SGTB: variants seen among roughly 807,000 people sequenced by gnomAD.
SGTB encodes small glutamine rich tetratricopeptide repeat co-chaperone beta.
A neutral mutation model predicts 43.9 loss-of-function variants in SGTB; 19 were observed. The observed-to-expected ratio is 0.43, with a 90% CI of 0.30 to 0.63. SGTB has a LOEUF of 0.63. Ranked by LOEUF, SGTB falls within the 30% of genes least tolerant of loss-of-function variation. The pLI is 0.12. For missense variants in SGTB, 304 were observed against 358.9 expected, an observed-to-expected ratio of 0.85 and a Z score of 1.24; for synonymous variants, 116 against 117.3, an observed-to-expected ratio of 0.99 and a Z score of 0.07.
intron 8 of SGTB, 146 bp downstream of exon 8, chr5:65,680,348 A>C: frequency 1.3e-6 from 1 of 780,974 alleles, no homozygotes; most frequent in Non-Finnish European, 2.0e-6. Context: ...AGTTGGAAAT[A>C]AAAAAACAGA....
intron 5 of SGTB, among the ~76,000 whole-genome samples, chr5:65,691,273 C>G (rs952348892): frequency 6.6e-6 from 1 of 152,044 alleles, no homozygotes; most frequent in Non-Finnish European, 1.5e-5. Flanking sequence ...GTCCTGCAAC[C>G]CAATCTTGGT....
At chr5:65,685,122 C>A (rs1298936937) in intron 6 of SGTB, among the ~76,000 whole-genome samples, 1 of 152,166 alleles carries the variant, frequency 6.6e-6, no homozygotes, top group African/African-American at 2.4e-5. Context: ...GCCTAACTGT[C>A]TGCAATATTG....
intron 2 of SGTB, among the ~76,000 whole-genome samples, chr5:65,720,390 ATTTT>A (rs1659957022): frequency 1.3e-5 from 2 of 151,890 alleles, no homozygotes; most frequent in Non-Finnish European, 2.9e-5. Flanking sequence ...CCCTGGTTTT[ATTTT>A]CTCACTTGTT....
In SGTB at chr5:65,698,566, A is replaced by G. The variant is rs186137344; in HGVS notation, c.374+5713T>C. Among the ~76,000 whole-genome samples the G allele has an allele frequency of 3.4e-3, 521 of 152,356 alleles. 4 individuals are homozygous for G. Among genetic ancestry groups the G allele is most frequent in the African/African-American group, 0.011 (477 of 41,578 alleles). On this transcript the variant is annotated intron_variant, in intron 5 of 10. Coordinates refer to ENST00000381007, the MANE Select transcript of SGTB (RefSeq NM_019072.3). ...TAATTAAACTAAAAGCCTTCTGTAC[A>G]GCAAAAGAAATAATCATCAGGGTAA... is the stretch of plus-strand genomic sequence containing the variant.
At chr5:65,677,414 G>C (rs1429621834) in intron 8 of SGTB, among the ~76,000 whole-genome samples, 1 of 148,482 alleles carries the variant, frequency 6.7e-6, no homozygotes, top group Non-Finnish European at 1.5e-5. Flanking sequence ...GAGGTACAAA[G>C]AAGAGCTGGT....
chr5:65,671,571 C>T (rs1757154048), intron 10 of SGTB, among the ~76,000 whole-genome samples: 1 of 127,730 alleles, frequency 7.8e-6, no homozygotes, highest in African/African-American at 2.9e-5. Flanking sequence ...GAGATGGTGC[C>T]AAAAAAGAAA....
At chr5:65,684,307 C>A (rs1379079888) in intron 6 of SGTB, among the ~76,000 whole-genome samples, 2 of 152,134 alleles carry the variant, frequency 1.3e-5, no homozygotes, top group African/African-American at 4.8e-5. Flanking sequence ...TGGTCTTGAA[C>A]TCCTGGGCTC....
At chr5:65,694,915 G>C (rs1043822904) in intron 5 of SGTB, among the ~76,000 whole-genome samples, 7 of 152,070 alleles carry the variant, frequency 4.6e-5, no homozygotes, top group African/African-American at 1.4e-4. Flanking sequence ...AGAGGAATAG[G>C]GTAGGAGGAA....
chr5:65,678,660 G>A (rs1757328162), intron 8 of SGTB, among the ~76,000 whole-genome samples: 1 of 152,098 alleles, frequency 6.6e-6, no homozygotes, highest in Admixed American at 6.5e-5. Flanking sequence ...ATAGACCAGT[G>A]GAACAGAACA....
rs1757166904 is a variant in SGTB at position 65,671,966 on chromosome 5, C to T, written c.752G>A (p.Gly251Glu). ...TAGGCCCCCAACTCCAGCAGCAGGT[C>T]CCCCAATGGCATTTGTCATCATTCC... Reference protein sequence around the residue: ...MSGMMTNAIGGPAAGVGGLTD... With the variant: ...MSGMMTNAIGEPAAGVGGLTD... Residue 251 changes from glycine to glutamate, a missense_variant, in exon 10 of 11, where the codon GGA (glycine) becomes GAA (glutamate). By Grantham distance (98) the Gly-to-Glu change is moderately conservative. Transcript: ENST00000381007. 1 of 1,613,840 alleles carries T rather than the reference C, an allele frequency of 6.2e-7. No homozygotes were observed. The highest frequency in any genetic ancestry group is 1.3e-5 in the African/African-American group (1 of 74,910).
chr5:65,671,939 G>C lies in SGTB; in HGVS notation c.779C>G (p.Thr260Ser). The change falls in exon 10 of 11, where the codon ACT becomes AGT. Residue 260 changes from threonine to serine, a missense_variant. By Grantham distance (58) the Thr-to-Ser change is moderately conservative. Coordinates refer to ENST00000381007, the MANE Select transcript of SGTB (RefSeq NM_019072.3). ...CGCTTGGATGAGGCTTGACAGGTCA[G>C]TTAGGCCCCCAACTCCAGCAGCAGG... ...GGPAAGVGGLTDLSSLIQAGQ... is the reference protein window; with the variant it reads ...GGPAAGVGGLSDLSSLIQAGQ... 1 of 1,613,964 alleles carries C rather than the reference G, an allele frequency of 6.2e-7. No homozygotes were observed. Among genetic ancestry groups the C allele is most frequent in the Non-Finnish European group, 8.5e-7 (1 of 1,179,954 alleles).
At chr5:65,702,827 T>C (rs1309998982) in intron 5 of SGTB, among the ~76,000 whole-genome samples, 1 of 152,128 alleles carries the variant, frequency 6.6e-6, no homozygotes, top group Non-Finnish European at 1.5e-5. Flanking sequence ...TGGCCAACAT[T>C]TGAAAAATAT....
chr5:65,713,093 A>C, intron 2 of SGTB, 29 bp from the exon 3 acceptor site: 1 of 1,526,878 alleles, frequency 6.5e-7, no homozygotes, highest in Admixed American at 2.0e-5. Flanking sequence ...AGTAAAAAAC[A>C]ATTAGCAATT....
At chr5:65,681,702 T>C (rs746082678) in intron 6 of SGTB, among the ~76,000 whole-genome samples, 24 of 152,244 alleles carry the variant, frequency 1.6e-4, no homozygotes, top group Non-Finnish European at 2.6e-4. Flanking sequence ...CTGGGCGCAG[T>C]GGCCCACGTC....
In SGTB at chr5:65,669,882, A is replaced by T. The variant is rs966251400; in HGVS notation, c.*364T>A. 6.2e-6 allele frequency: 1 copy of T among 162,522 alleles called. No individual in the cohort carries two copies. Among genetic ancestry groups the T allele is most frequent in the Non-Finnish European group, 1.3e-5 (1 of 74,930 alleles). 10.1% of individuals were successfully genotyped at this position (162,522 alleles called of 1,614,324 possible). A position where few individuals can be genotyped will look rare whatever the true frequency, so the allele number is the denominator to read the frequency against. ...AAAAACTTTGCTTAAGGGAAATTGG[A>T]GCTAAAGAGCTTACCAACAAATAGC... On this transcript the variant is annotated 3_prime_UTR_variant, in exon 11 of 11. Transcript: ENST00000381007.
rs770081478 is a variant in SGTB at position 65,680,725 on chromosome 5, G to T, written c.549C>A (p.Asp183Glu). The T allele has an allele frequency of 6.8e-6, 11 of 1,614,002 alleles. No homozygotes were observed. Among genetic ancestry groups the T allele is most frequent in the Admixed American group, 1.7e-5 (1 of 60,014 alleles). ...TTGACTTATAGGAATCATTTTCAGGGTCAAGATCTAATGCCTTTTGATAAC... is the reference window on the plus strand; with the variant it reads ...TTGACTTATAGGAATCATTTTCAGGTTCAAGATCTAATGCCTTTTGATAAC... ...VTSYQKALDL[D>E]PENDSYKSNL... Residue 183 changes from aspartate (D) to glutamate (E), a missense_variant, in exon 7 of 11, where the codon GAC (aspartate) becomes GAA (glutamate). Physicochemically the swap from Asp to Glu is conservative, Grantham distance 45. Transcript: ENST00000381007.
At chr5:65,720,625 A>G (rs9291846) in intron 2 of SGTB, 83 bp downstream of exon 2, 489,820 of 1,494,770 alleles carry the variant, frequency 0.33, 82,257 homozygotes, top group South Asian at 0.45. Context: ...TTATGTTACA[A>G]TAGATCATCA....
At chr5:65,698,704 T>A (rs760500771) in intron 5 of SGTB, among the ~76,000 whole-genome samples, 6 of 151,934 alleles carry the variant, frequency 3.9e-5, no homozygotes, top group Admixed American at 6.6e-5. Context: ...AAACAAATTA[T>A]CCCACCAAAA....
rs1561152812 is a variant in SGTB at position 65,680,475 on chromosome 5, GA to G, written c.681+18del. On this transcript the variant is annotated intron_variant, in intron 8 of 10. Coordinates refer to ENST00000381007, the MANE Select transcript of SGTB (RefSeq NM_019072.3). The stretch of plus-strand genomic sequence containing the variant: ...ATGGAAAACATAGCCAGTAGAGGCA[GA>G]AAAGAAAGTATACTCACCATACTAA... The G allele has an allele frequency of 1.2e-6, 2 of 1,606,060 alleles. No individual in the cohort carries two copies. Among genetic ancestry groups the G allele is most frequent in the East Asian group, 2.2e-5 (1 of 44,860 alleles).
Sources: gnomAD v4.1 joint callset for allele counts (sites outside exome capture counted in the v4.1 genomes callset) on GRCh38, gnomAD v4.1.1 for gene constraint, MANE v1.5 for transcripts, NCBI Gene and HGNC (gene_info 2026-07-23, HGNC 2026-07-21) for gene names.